Variants in RHOBTB1 observed in about 807,000 individuals in gnomAD.
RHOBTB1 encodes Rho related BTB domain containing 1.
In RHOBTB1, 40 loss-of-function variants were observed where a neutral mutation model predicts 71.6. That is an observed-to-expected ratio of 0.56 (90% CI 0.43 to 0.73). The LOEUF (loss-of-function observed/expected upper bound fraction) is 0.73, where lower values mean the gene tolerates loss of function less well. Among genes scored for constraint, RHOBTB1 ranks in the 30% least tolerant of loss-of-function variants. RHOBTB1 has a pLI of 0.00. For synonymous variants in RHOBTB1, 319 were observed against 334.9 expected (o/e 0.95, Z 0.52); for missense variants, 797 against 894.0 (o/e 0.89, Z 1.38).
intron 2 of RHOBTB1, among the ~76,000 whole-genome samples, chr10:60,915,003 C>T (rs2083193941): frequency 6.6e-6 from 1 of 152,238 alleles, no homozygotes; most frequent in African/African-American, 2.4e-5. Flanking sequence ...GAAGCATTCA[C>T]TGAATTCCCA....
chr10:60,952,898 C>T (rs1189927565), intron 2 of RHOBTB1, among the ~76,000 whole-genome samples: 6 of 152,054 alleles, frequency 3.9e-5, no homozygotes, highest in South Asian at 2.1e-4. Flanking sequence ...GATCAGGTGT[C>T]GATGAGCGAT....
At chr10:60,886,389 C>T (rs1413800172) in intron 6 of RHOBTB1, among the ~76,000 whole-genome samples, 159 bp from the exon 7 acceptor site, 1 of 152,162 alleles carries the variant, frequency 6.6e-6, no homozygotes, top group African/African-American at 2.4e-5. Flanking sequence ...AGCTTTGACA[C>T]ACCCAGCTCC....
chr10:60,912,787 C>A (rs1034675084), intron 2 of RHOBTB1: 1 of 152,154 alleles, frequency 6.6e-6, no homozygotes, highest in East Asian at 1.9e-4. Flanking sequence ...AGGCTGCTTA[C>A]CAGTAGCAGC....
intron 5 of RHOBTB1, among the ~76,000 whole-genome samples, chr10:60,889,996 A>G (rs1300492326): frequency 6.6e-6 from 1 of 152,170 alleles, no homozygotes; most frequent in Admixed American, 6.5e-5. Context: ...TACATTTTTC[A>G]TGTAAGCCTC....
intron 2 of RHOBTB1, among the ~76,000 whole-genome samples, chr10:60,967,558 G>A (rs376027429): frequency 7.2e-5 from 11 of 152,164 alleles, no homozygotes; most frequent in African/African-American, 2.2e-4. Flanking sequence ...AAAGAACAGA[G>A]CTGTAAGATT....
At chr10:60,867,939 G>T (rs2080645449), downstream of RHOBTB1, among the ~76,000 whole-genome samples, 1 of 152,108 alleles carries the variant, frequency 6.6e-6, no homozygotes, top group African/African-American at 2.4e-5. Flanking sequence ...TAAGTCGAGG[G>T]ATATGCAGTA....
intron 1 of RHOBTB1, among the ~76,000 whole-genome samples, chr10:60,988,821 G>A (rs968810212): frequency 6.6e-6 from 1 of 152,076 alleles, no homozygotes; most frequent in Non-Finnish European, 1.5e-5. Flanking sequence ...CTGAATCCTT[G>A]GTTAAGAATT....
intron 4 of RHOBTB1, among the ~76,000 whole-genome samples, chr10:60,905,293 A>G (rs2082610094): frequency 6.6e-6 from 1 of 151,886 alleles, no homozygotes; most frequent in African/African-American, 2.4e-5. Flanking sequence ...TACTAAAAAT[A>G]CAAAAAATTA....
At chr10:60,934,210 C>T (rs958078104) in intron 2 of RHOBTB1, among the ~76,000 whole-genome samples, 1 of 152,114 alleles carries the variant, frequency 6.6e-6, no homozygotes, top group Non-Finnish European at 1.5e-5. Flanking sequence ...TCTCTGTGTA[C>T]CTTAAGAACT....
chr10:60,939,001 G>A (rs1409833316), intron 2 of RHOBTB1, among the ~76,000 whole-genome samples: 2 of 152,168 alleles, frequency 1.3e-5, no homozygotes, highest in Non-Finnish European at 2.9e-5. Flanking sequence ...TCCACAGAGA[G>A]ACGGAACCTG....
chr10:60,901,143 G>A (rs1011417001), intron 4 of RHOBTB1, among the ~76,000 whole-genome samples: 1 of 152,166 alleles, frequency 6.6e-6, no homozygotes, highest in African/African-American at 2.4e-5. Context: ...TAAAAGCATA[G>A]TCAAGATGAT....
At chr10:60,971,495 C>G (rs993980436) in intron 2 of RHOBTB1, among the ~76,000 whole-genome samples, 2 of 152,050 alleles carry the variant, frequency 1.3e-5, no homozygotes, top group African/African-American at 2.4e-5. Context: ...TAGCCATATG[C>G]AGAAAACTGA....
chr10:60,862,688 C>A, the RHOBTB1 span, among the ~76,000 whole-genome samples: 2 of 142,100 alleles, frequency 1.4e-5, no homozygotes, highest in Non-Finnish European at 3.0e-5. Flanking sequence ...CTCTTTACTT[C>A]CTCTTTCTTT....
chr10:60,995,111 G>T (rs541504746), intron 1 of RHOBTB1, among the ~76,000 whole-genome samples: 15 of 152,032 alleles, frequency 9.9e-5, no homozygotes, highest in Non-Finnish European at 8.8e-5. Context: ...ATTATTAGAT[G>T]CTTTCTTGAA....
intron 2 of RHOBTB1, among the ~76,000 whole-genome samples, chr10:60,912,488 C>A (rs912963518): frequency 6.6e-6 from 1 of 152,166 alleles, no homozygotes; most frequent in African/African-American, 2.4e-5. Context: ...CCACCTTGGC[C>A]TCCCAAAGTG....
At chr10:60,915,369 C>T (rs1309136754) in intron 2 of RHOBTB1, among the ~76,000 whole-genome samples, 1 of 151,816 alleles carries the variant, frequency 6.6e-6, no homozygotes, top group Admixed American at 6.6e-5. Context: ...AATGTCATCA[C>T]TATAAATCCT....
intron 10 of RHOBTB1, 37 bp from the exon 11 acceptor site, chr10:60,871,688 T>A (rs1263615488): frequency 5.0e-6 from 8 of 1,590,048 alleles, no homozygotes; most frequent in African/African-American, 1.3e-5. Flanking sequence ...AGACCTGCGG[T>A]TCATTGATGC....
the RHOBTB1 span, among the ~76,000 whole-genome samples, chr10:60,863,484 A>G: frequency 1.3e-5 from 2 of 152,088 alleles, no homozygotes; most frequent in Non-Finnish European, 2.9e-5. Flanking sequence ...CAGATTTTCA[A>G]AATAGTGGTT....
At chr10:60,925,004 T>G (rs1283563754) in intron 2 of RHOBTB1, among the ~76,000 whole-genome samples, 1 of 152,330 alleles carries the variant, frequency 6.6e-6, no homozygotes, top group East Asian at 1.9e-4. Context: ...ATGAATGGCT[T>G]GAGCCATCCT....
Sources: allele counts gnomAD v4.1 joint callset (sites outside exome capture counted in the v4.1 genomes callset), GRCh38; gene constraint gnomAD v4.1.1; transcripts MANE v1.5; gene names NCBI Gene and HGNC (gene_info 2026-07-23, HGNC 2026-07-21).